FGFR2: variants seen among roughly 807,000 people sequenced by gnomAD.
The protein encoded by FGFR2 is BEK fibroblast growth factor receptor.
Under a neutral mutation model 95.9 loss-of-function variants are expected in FGFR2, and 19 were observed. The observed-to-expected ratio is 0.20, with a 90% CI of 0.14 to 0.29. The LOEUF is 0.29. FGFR2 is among the 10% of genes least tolerant of loss of function. The probability of loss-of-function intolerance (pLI) is 1.00; values close to 1 mark genes in which losing one functional copy is unlikely to be tolerated. For missense variants in FGFR2, 707 were observed against 1,056.9 expected, an observed-to-expected ratio of 0.67 and a Z score of 4.59; for synonymous variants, 392 against 393.3, an observed-to-expected ratio of 1.00 and a Z score of 0.04.
At chr10:121,497,264 AG>A (rs1260279900) in intron 12 of FGFR2, among the ~76,000 whole-genome samples, 1 of 152,212 alleles carries the variant, frequency 6.6e-6, no homozygotes, top group African/African-American at 2.4e-5. Context: ...AAAGGCACAG[AG>A]ACACAGTTGA....
intron 2 of FGFR2, among the ~76,000 whole-genome samples, chr10:121,582,643 C>T (rs141607772): frequency 2.6e-5 from 4 of 152,116 alleles, no homozygotes; most frequent in East Asian, 1.9e-4. Context: ...ATTAGCCGGG[C>T]GTGGTGGTGC....
At chr10:121,557,968 T>G (rs576740598) in intron 4 of FGFR2, among the ~76,000 whole-genome samples, 2 of 152,280 alleles carry the variant, frequency 1.3e-5, no homozygotes, top group East Asian at 3.9e-4. Context: ...AAATTACTTT[T>G]TCTCTCATCA....
intron 6 of FGFR2, among the ~76,000 whole-genome samples, chr10:121,520,803 C>G (rs1192653483): frequency 6.6e-6 from 1 of 152,160 alleles, no homozygotes; most frequent in East Asian, 1.9e-4. Flanking sequence ...CCACCACGCC[C>G]AGCTGACTTT....
Position 121,508,252 on chromosome 10 carries a change from G to C in FGFR2, c.1288-4311C>G, listed in dbSNP as rs372607781. 6.6e-5 allele frequency among the ~76,000 whole-genome samples: 10 copies of C among 152,324 alleles called. 1 individual carries two copies. Among genetic ancestry groups the C allele is most frequent in the Admixed American group, 5.2e-4 (8 of 15,296 alleles). On this transcript the variant is annotated intron_variant, in intron 9 of 17. Transcript: ENST00000358487. ...GACTGCAGAAGATATGCCTTAGTGGGCATGTCTGATTTGCTAGATGAGGCC... is the reference window on the plus strand; with the variant it reads ...GACTGCAGAAGATATGCCTTAGTGGCCATGTCTGATTTGCTAGATGAGGCC...
chr10:121,478,931 C>T lies in FGFR2; in HGVS notation c.*926G>A, dbSNP rs181383630. 1.0e-4 allele frequency: 24 copies of T among 233,502 alleles called. No individual in the cohort carries two copies. Among genetic ancestry groups the T allele is most frequent in the South Asian group, 1.8e-4 (1 of 5,516 alleles). The allele number at this position is 233,502 out of a possible 1,614,324, so 14.5% of individuals were successfully genotyped here. ...ATTTATCTTGGGAAGTCCAGTTAGA[C>T]GTTGCGTTGACGTAATGACAGGGTT... On this transcript the variant is annotated 3_prime_UTR_variant, in exon 18 of 18. Transcript: ENST00000358487.
intron 9 of FGFR2, among the ~76,000 whole-genome samples, chr10:121,514,312 G>A (rs1424641611): frequency 1.3e-5 from 2 of 152,162 alleles, no homozygotes; most frequent in Admixed American, 1.3e-4. Context: ...GAAAAGAGCT[G>A]AGGCATTTCC....
At chr10:121,581,053 T>C (rs1043102529) in intron 2 of FGFR2, among the ~76,000 whole-genome samples, 58 of 152,158 alleles carry the variant, frequency 3.8e-4, no homozygotes, top group African/African-American at 1.4e-3. Context: ...TGCCTCCACA[T>C]TGACCTGGCA....
In FGFR2 at chr10:121,479,379, G is replaced by A. The variant is rs902018827; in HGVS notation, c.*478C>T. 9 of 312,414 alleles carry A rather than the reference G, an allele frequency of 2.9e-5. No homozygotes were observed. Among genetic ancestry groups the A allele is most frequent in the Non-Finnish European group, 4.6e-5 (8 of 175,026 alleles). 19.4% of individuals were successfully genotyped at this position (312,414 alleles called of 1,614,324 possible). On this transcript the variant is annotated 3_prime_UTR_variant, in exon 18 of 18. Coordinates refer to ENST00000358487, the MANE Select transcript of FGFR2 (RefSeq NM_000141.5). ...AAAAAGAGAGACCAATTTTCTAGGT[G>A]CATTGGGACATCCATTTAAAATCAA...
intron 9 of FGFR2, among the ~76,000 whole-genome samples, chr10:121,513,326 T>C (rs1849298002): frequency 6.6e-6 from 1 of 152,256 alleles, no homozygotes; most frequent in African/African-American, 2.4e-5. Context: ...TTCCAAATAC[T>C]ATTTTTCTCA....
rs183720287 is a variant in FGFR2, at chr10:121,491,819, G to A, written c.1864-3706C>T. Reference sequence around the variant, plus strand: ...TGGGAGGCAGAGGCTGCAGTGAGCCGAGATAGCGCCACTGAACTCCAGCCT... The same window carrying A: ...TGGGAGGCAGAGGCTGCAGTGAGCCAAGATAGCGCCACTGAACTCCAGCCT... On this transcript the variant is annotated intron_variant, in intron 13 of 17. Transcript: ENST00000358487. Among the ~76,000 whole-genome samples, 838 of 147,120 alleles carry A rather than the reference G, an allele frequency of 5.7e-3. 7 individuals are homozygous for A. The highest frequency in any genetic ancestry group is 0.02 in the African/African-American group (793 of 39,868).
At chr10:121,503,985 C>A (rs1383499753) in intron 9 of FGFR2, 44 bp from the exon 10 acceptor site, 2 of 1,610,464 alleles carry the variant, frequency 1.2e-6, no homozygotes, top group African/African-American at 2.7e-5. Flanking sequence ...CTGGCTCCAT[C>A]TGAGAAGGCT....
Position 121,551,295 on chromosome 10 carries a change from A to G in FGFR2, c.619T>C (p.Tyr207His), listed in dbSNP as rs2134828039. The G allele has an allele frequency of 1.2e-6, 2 of 1,614,200 alleles. No individual in the cohort carries two copies. Among genetic ancestry groups the G allele is most frequent in the Admixed American group, 1.7e-5 (1 of 60,030 alleles). Reference sequence around the variant, plus strand: ...TTCTGAAAGCTTAATTCTACCTTGTAGCCTCCAATGCGATGCTCCTGCTTA... The same window carrying G: ...TTCTGAAAGCTTAATTCTACCTTGTGGCCTCCAATGCGATGCTCCTGCTTA... ...EFKQEHRIGG[Y>H]KVRNQHWSLI... is the part of the protein sequence containing the mutation. The change falls in exon 5 of 18, where the codon TAC becomes CAC. Residue 207 changes from tyrosine (Y) to histidine (H), a missense_variant. This residue lies in a region of FGFR2 where 139 missense variants were observed against 278.1 expected (regional missense o/e 0.50). Transcript: ENST00000358487.
intron 2 of FGFR2, among the ~76,000 whole-genome samples, chr10:121,581,119 T>C (rs2981577): frequency 0.97 from 148,435 of 152,346 alleles, 72,399 homozygotes; most frequent in East Asian, 1. Context: ...CAGGCTGAAA[T>C]GACCCACTCA....
intron 6 of FGFR2, among the ~76,000 whole-genome samples, chr10:121,537,809 C>A: frequency 6.6e-6 from 1 of 152,148 alleles, no homozygotes. Flanking sequence ...TCTTAACCTG[C>A]CATCCTGCAA....
At chr10:121,524,288 C>T (rs796315882) in intron 6 of FGFR2, among the ~76,000 whole-genome samples, 2 of 152,164 alleles carry the variant, frequency 1.3e-5, no homozygotes, top group Admixed American at 1.3e-4. Context: ...ACTCCCCCTC[C>T]GCCCTTTCTC....
intron 6 of FGFR2, among the ~76,000 whole-genome samples, chr10:121,535,933 A>G (rs1564945638): frequency 6.6e-6 from 1 of 152,244 alleles, no homozygotes; most frequent in Non-Finnish European, 1.5e-5. Flanking sequence ...TTGATGCTTC[A>G]TAATATCTGA....
intron 4 of FGFR2, among the ~76,000 whole-genome samples, chr10:121,561,911 A>T (rs1221989788): frequency 6.6e-6 from 1 of 152,270 alleles, no homozygotes; most frequent in African/African-American, 2.4e-5. Context: ...CAAAGAAGAT[A>T]CATGGATGGC....
intron 9 of FGFR2, among the ~76,000 whole-genome samples, chr10:121,506,934 G>A (rs1028198481): frequency 1.3e-5 from 2 of 152,222 alleles, no homozygotes; most frequent in Non-Finnish European, 2.9e-5. Context: ...GATCTGAGCT[G>A]AGGCATGAAC....
At chr10:121,529,654 C>A (rs1252831542) in intron 6 of FGFR2, among the ~76,000 whole-genome samples, 1 of 152,162 alleles carries the variant, frequency 6.6e-6, no homozygotes, top group Non-Finnish European at 1.5e-5. Context: ...GAATTCCTGC[C>A]AGCCTTGTTT....
Sources: gnomAD v4.1 joint callset for allele counts (sites outside exome capture counted in the v4.1 genomes callset) on GRCh38, gnomAD v4.1.1 for gene constraint, gnomAD v4.1.1 regional missense constraint, MANE v1.5 for transcripts, NCBI Gene and HGNC (gene_info 2026-07-23, HGNC 2026-07-21) for gene names.